Variants in CIMAP2 observed in about 807,000 individuals in gnomAD.
The protein encoded by CIMAP2 is ciliary microtubule-associated protein 2.
the CIMAP2 span, chr1:54,813,823 C>T: frequency 1.9e-6 from 3 of 1,598,954 alleles, no homozygotes; most frequent in Admixed American, 3.6e-5. Flanking sequence ...GAAAAAAAAG[C>T]CCAGGGAACT....
At chr1:54,814,304 C>T in the CIMAP2 span, among the ~76,000 whole-genome samples, 1 of 152,206 alleles carries the variant, frequency 6.6e-6, no homozygotes, top group African/African-American at 2.4e-5. Flanking sequence ...GGCCTCAGAG[C>T]GTTGGAGGAT....
At chr1:54,826,152 G>T in the CIMAP2 span, among the ~76,000 whole-genome samples, 1 of 152,130 alleles carries the variant, frequency 6.6e-6, no homozygotes, top group Non-Finnish European at 1.5e-5. Context: ...TTCAGGTAGG[G>T]TGGGCCTGTC....
At chr1:54,833,659 G>A in the CIMAP2 span, among the ~76,000 whole-genome samples, 1 of 152,132 alleles carries the variant, frequency 6.6e-6, no homozygotes, top group Non-Finnish European at 1.5e-5. Flanking sequence ...GTTGACTGAT[G>A]AGTGGGCCAG....
chr1:54,821,295 T>C, the CIMAP2 span, among the ~76,000 whole-genome samples: 4 of 152,218 alleles, frequency 2.6e-5, no homozygotes, highest in African/African-American at 9.6e-5. Context: ...GTCATAAAGT[T>C]GTTGCCTAGA....
chr1:54,806,238 C>T, the CIMAP2 span: 3 of 1,508,434 alleles, frequency 2.0e-6, no homozygotes, highest in African/African-American at 2.9e-5. Context: ...CCGTTTGCGT[C>T]CTGGGCTCAC....
chr1:54,815,646 T>C, the CIMAP2 span, among the ~76,000 whole-genome samples: 3 of 152,170 alleles, frequency 2.0e-5, no homozygotes, highest in Non-Finnish European at 4.4e-5. Context: ...ATTCTTGGCC[T>C]TGGGCTTTGA....
At chr1:54,820,943 A>G in the CIMAP2 span, among the ~76,000 whole-genome samples, 1 of 151,776 alleles carries the variant, frequency 6.6e-6, no homozygotes, top group Admixed American at 6.6e-5. Context: ...TAATTTTTGT[A>G]TTTTTAGTAG....
chr1:54,806,945 A>G, the CIMAP2 span: 2 of 1,540,222 alleles, frequency 1.3e-6, no homozygotes, highest in Admixed American at 3.3e-5. Flanking sequence ...TGCCCACGCC[A>G]GGGCCAGGTG....
chr1:54,809,320 G>A, the CIMAP2 span, among the ~76,000 whole-genome samples: 1 of 152,140 alleles, frequency 6.6e-6, no homozygotes, highest in African/African-American at 2.4e-5. Context: ...TTCTGTGAGG[G>A]CTGGAAATTA....
At chr1:54,840,544 T>A in the CIMAP2 span, among the ~76,000 whole-genome samples, 1 of 152,310 alleles carries the variant, frequency 6.6e-6, no homozygotes, top group Non-Finnish European at 1.5e-5. Flanking sequence ...GTGTATAACT[T>A]TGTAAGAAGC....
chr1:54,825,041 CTTTT>C, the CIMAP2 span, among the ~76,000 whole-genome samples: 18 of 59,668 alleles, frequency 3.0e-4, no homozygotes, highest in African/African-American at 1.3e-3. Context: ...TAGGGAATTA[CTTTT>C]TTTTTTTTTT....
the CIMAP2 span, among the ~76,000 whole-genome samples, chr1:54,810,140 T>G: frequency 1.4e-4 from 22 of 152,286 alleles, no homozygotes; most frequent in African/African-American, 5.3e-4. Context: ...ATTCTCACCC[T>G]TGGTATAACC....
chr1:54,824,745 T>C, the CIMAP2 span, among the ~76,000 whole-genome samples: 2 of 152,074 alleles, frequency 1.3e-5, no homozygotes, highest in Non-Finnish European at 2.9e-5. Flanking sequence ...TTTTTAGTGA[T>C]ATCTTTTTGT....
the CIMAP2 span, among the ~76,000 whole-genome samples, chr1:54,833,612 G>A: frequency 6.6e-6 from 1 of 152,144 alleles, no homozygotes; most frequent in Non-Finnish European, 1.5e-5. Context: ...TTTCCATTCT[G>A]TAGAGCTGTG....
chr1:54,833,882 C>G, the CIMAP2 span, among the ~76,000 whole-genome samples: 19 of 152,060 alleles, frequency 1.2e-4, no homozygotes, highest in African/African-American at 3.6e-4. Flanking sequence ...GAGTCACGCA[C>G]TTGTTGCCCA....
chr1:54,818,464 C>A, the CIMAP2 span, among the ~76,000 whole-genome samples: 1 of 151,660 alleles, frequency 6.6e-6, no homozygotes, highest in Non-Finnish European at 1.5e-5. Context: ...CTTATCTACC[C>A]TACTATTATT....
chr1:54,808,023 C>T, the CIMAP2 span: 9 of 1,542,734 alleles, frequency 5.8e-6, no homozygotes, highest in East Asian at 2.3e-5. Context: ...TAGGTGTTCT[C>T]ATGTCTGGAG....
At chr1:54,823,312 T>C in the CIMAP2 span, among the ~76,000 whole-genome samples, 8 of 152,352 alleles carry the variant, frequency 5.3e-5, no homozygotes, top group African/African-American at 1.9e-4. Flanking sequence ...ACTTTATCAT[T>C]ATCTAATGAC....
At chr1:54,832,481 A>T in the CIMAP2 span, among the ~76,000 whole-genome samples, 2 of 152,186 alleles carry the variant, frequency 1.3e-5, no homozygotes, top group Non-Finnish European at 2.9e-5. Context: ...AGTGGAAAGC[A>T]CTCTTCTAAA....
Sources: gnomAD v4.1 joint callset for allele counts (sites outside exome capture counted in the v4.1 genomes callset) on GRCh38, gnomAD v4.1.1 for gene constraint, MANE v1.5 for transcripts, NCBI Gene and HGNC (gene_info 2026-07-23, HGNC 2026-07-21) for gene names.